Variants in PKIB observed in about 807,000 individuals in gnomAD.
The protein encoded by PKIB is PKI-beta.
A neutral mutation model predicts 4.5 loss-of-function variants in PKIB; 2 were observed. The observed-to-expected ratio is 0.44, with a 90% CI of 0.18 to 1.39. The LOEUF (loss-of-function observed/expected upper bound fraction) is 1.39. Among genes scored for constraint, PKIB ranks in the 40% most tolerant of loss-of-function variants. PKIB has a pLI of 0.27. For synonymous variants in PKIB, 38 were observed against 36.0 expected, an observed-to-expected ratio of 1.06 and a Z score of -0.20; for missense variants, 94 against 92.6, an observed-to-expected ratio of 1.02 and a Z score of -0.06.
At position 122,592,492 on chromosome 6, in the gene PKIB, G is replaced by C. The variant is rs536819445; in HGVS notation, c.-161+6485G>C. 4.3e-4 allele frequency among the ~76,000 whole-genome samples: 65 copies of C among 152,254 alleles called. No homozygotes were observed. The Middle Eastern group carries it at 0.01, about 24-fold the overall frequency. The stretch of plus-strand genomic sequence containing the variant: ...TTTAAATATCGTCTAGCAATATAGT[G>C]TCTGATAATTTTCAGTCAAGAGATC... On this transcript the variant is annotated intron_variant, in intron 3 of 6. Coordinates refer to the PKIB transcript ENST00000392491.
chr6:122,522,593 A>T (rs1422509916), intron 2 of PKIB, among the ~76,000 whole-genome samples: 1 of 152,200 alleles, frequency 6.6e-6, no homozygotes, highest in Non-Finnish European at 1.5e-5. Context: ...TGGGTTGCAA[A>T]GACAGTGGGA....
At chr6:122,591,506 C>G (rs887221553) in intron 3 of PKIB, among the ~76,000 whole-genome samples, 2 of 152,048 alleles carry the variant, frequency 1.3e-5, no homozygotes, top group African/African-American at 4.8e-5. Flanking sequence ...TAAATTATAT[C>G]TTTTCTCTTA....
chr6:122,510,050 A>G (rs1178617543), intron 2 of PKIB, among the ~76,000 whole-genome samples: 24 of 152,076 alleles, frequency 1.6e-4, no homozygotes, highest in Admixed American at 1.6e-3. Flanking sequence ...GGCTGAATTC[A>G]ATTAATATCT....
chr6:122,539,887 A>G (rs992826938), intron 2 of PKIB, among the ~76,000 whole-genome samples: 1 of 152,048 alleles, frequency 6.6e-6, no homozygotes, highest in Non-Finnish European at 1.5e-5. Flanking sequence ...CAGAGATTCA[A>G]CTTCTTCCTG....
chr6:122,683,240 G>A (rs577420614), intron 3 of PKIB, among the ~76,000 whole-genome samples: 1 of 152,276 alleles, frequency 6.6e-6, no homozygotes, highest in South Asian at 2.1e-4. Context: ...TGGTTCTACA[G>A]ACTGTACAGG....
chr6:122,543,051 T>C (rs1026166685), intron 2 of PKIB, among the ~76,000 whole-genome samples: 1 of 152,116 alleles, frequency 6.6e-6, no homozygotes, highest in Non-Finnish European at 1.5e-5. Flanking sequence ...TGTGCCATTT[T>C]TTAAGCCCGT....
intron 2 of PKIB, among the ~76,000 whole-genome samples, chr6:122,537,414 G>A (rs1428625292): frequency 2.0e-5 from 3 of 152,048 alleles, no homozygotes; most frequent in Non-Finnish European, 4.4e-5. Context: ...AGAACATGCG[G>A]TTTTTTGTGA....
Position 122,725,313 on chromosome 6 carries a change from T to A in PKIB, c.*118T>A, listed in dbSNP as rs188416689. On this transcript the variant is annotated 3_prime_UTR_variant, in exon 5 of 5. Coordinates refer to ENST00000368452, the MANE Select transcript of PKIB (RefSeq NM_181795.3). Reference sequence around the variant, plus strand: ...GGTAACATTGCAGCCCTAAGCAGCATGTGTATATTAGATAATTGTGTTGTG... The same window carrying A: ...GGTAACATTGCAGCCCTAAGCAGCAAGTGTATATTAGATAATTGTGTTGTG... The A allele has an allele frequency of 7.9e-4, 596 of 753,502 alleles. 4 individuals are homozygous for A. The highest frequency in any genetic ancestry group is 5.6e-3 in the African/African-American group (314 of 56,420). The allele number at this position is 753,502 out of a possible 1,614,324, so 46.7% of individuals were successfully genotyped here.
intron 2 of PKIB, among the ~76,000 whole-genome samples, chr6:122,560,772 G>T (rs1470052939): frequency 1.3e-5 from 2 of 151,814 alleles, no homozygotes; most frequent in Non-Finnish European, 2.9e-5. Context: ...AAGTTAAGAG[G>T]GTTGTATTTT....
At chr6:122,613,628 C>T (rs958881223) in intron 1 of PKIB, among the ~76,000 whole-genome samples, 1 of 148,054 alleles carries the variant, frequency 6.8e-6, no homozygotes, top group Non-Finnish European at 1.5e-5. Context: ...TGAACATCCC[C>T]ATAAAATCAA....
At chr6:122,476,361 C>T (rs763067125) in intron 1 of PKIB, among the ~76,000 whole-genome samples, 7 of 152,050 alleles carry the variant, frequency 4.6e-5, no homozygotes, top group Non-Finnish European at 4.4e-5. Context: ...TTGGAAGAGA[C>T]CATATTCTGA....
At chr6:122,546,966 A>G (rs550519400) in intron 2 of PKIB, among the ~76,000 whole-genome samples, 35 of 152,222 alleles carry the variant, frequency 2.3e-4, no homozygotes, top group African/African-American at 8.2e-4. Context: ...GGGGAAGAAG[A>G]GATTATGACC....
chr6:122,529,764 C>G (rs138606687), intron 2 of PKIB, among the ~76,000 whole-genome samples: 1 of 152,102 alleles, frequency 6.6e-6, no homozygotes, highest in Non-Finnish European at 1.5e-5. Flanking sequence ...ATTCTACTTC[C>G]TTCTAGCCTG....
chr6:122,606,847 G>A (rs1328080418), upstream of PKIB, among the ~76,000 whole-genome samples: 1 of 151,154 alleles, frequency 6.6e-6, no homozygotes, highest in East Asian at 2.0e-4. Context: ...CTAAAGAGAT[G>A]TGAAAACTAG....
At chr6:122,588,138 A>G (rs1264613257) in intron 3 of PKIB, among the ~76,000 whole-genome samples, 1 of 152,120 alleles carries the variant, frequency 6.6e-6, no homozygotes, top group Non-Finnish European at 1.5e-5. Context: ...GTTTTCTTCT[A>G]TGGTTTTTAT....
At chr6:122,606,584 A>G, upstream of PKIB, among the ~76,000 whole-genome samples, 1 of 151,878 alleles carries the variant, frequency 6.6e-6, no homozygotes, top group East Asian at 1.9e-4. Flanking sequence ...AAAAGAAAAA[A>G]AAAGCTAGAA....
intron 3 of PKIB, among the ~76,000 whole-genome samples, chr6:122,589,443 T>G (rs1582718137): frequency 6.6e-6 from 1 of 152,122 alleles, no homozygotes; most frequent in East Asian, 1.9e-4. Context: ...TTAAATATGT[T>G]AAACTGAGAT....
chr6:122,542,603 C>T (rs998231341), intron 2 of PKIB, among the ~76,000 whole-genome samples: 7 of 152,008 alleles, frequency 4.6e-5, no homozygotes, highest in African/African-American at 1.7e-4. Context: ...AGTACCCGGC[C>T]GTGTGAGGTG....
Position 122,561,991 on chromosome 6 carries a change from T to TGTG in PKIB, c.-247-23930_-247-23929insGTG, listed in dbSNP as rs1180470888. Among the ~76,000 whole-genome samples the TGTG allele has an allele frequency of 6.7e-4, 80 of 119,432 alleles. 2 individuals are homozygous for TGTG. The East Asian group carries it at 6.9e-3, about 10-fold the overall frequency. 78.4% of individuals were successfully genotyped at this position (119,432 alleles called of 152,430 possible). On this transcript the variant is annotated intron_variant, in intron 2 of 6. Coordinates refer to the PKIB transcript ENST00000392491. ...CCTGCATAGTTTTTTTTTGTTTGTT[T>TGTG]TTGTTTTTTTTTGTTTTTTTTTTTT...
Sources: gnomAD v4.1 joint callset for allele counts (sites outside exome capture counted in the v4.1 genomes callset) on GRCh38, gnomAD v4.1.1 for gene constraint, MANE v1.5 for transcripts, NCBI Gene and HGNC (gene_info 2026-07-23, HGNC 2026-07-21) for gene names.